Variants in SGCD observed in about 807,000 individuals in gnomAD.
The protein encoded by SGCD is sarcoglycan delta.
Under a neutral mutation model 36.6 loss-of-function variants are expected in SGCD, and 18 were observed. The observed-to-expected ratio is 0.49, with a 90% CI of 0.34 to 0.73. The LOEUF (loss-of-function observed/expected upper bound fraction) is 0.73. Ranked by LOEUF, SGCD falls within the 30% of genes least tolerant of loss-of-function variation. The pLI is 0.01. For missense variants in SGCD, 387 were observed against 346.7 expected, an observed-to-expected ratio of 1.12 and a Z score of -0.92; for synonymous variants, 133 against 130.6, an observed-to-expected ratio of 1.02 and a Z score of -0.12.
At chr5:156,278,670 T>A (rs1220097975) in intron 3 of SGCD, among the ~76,000 whole-genome samples, 4 of 152,196 alleles carry the variant, frequency 2.6e-5, no homozygotes, top group African/African-American at 9.6e-5. Context: ...AAACCTATCC[T>A]CTTGGAAATT....
Position 156,252,073 on chromosome 5 carries a change from C to CTT in SGCD, c.-43-77452_-43-77451dup, listed in dbSNP as rs112337099. On this transcript the variant is annotated intron_variant, in intron 3 of 9. Coordinates refer to the SGCD transcript ENST00000517913. ...CATTTTGATATTAGCATTTTTTTTT[C>CTT]TTTTTTTTTTGAGACGGAGTTTCGC... 2.0e-4 allele frequency among the ~76,000 whole-genome samples: 29 copies of CTT among 146,524 alleles called. No homozygotes were observed. The Middle Eastern group carries it at 0.01, about 52-fold the overall frequency.
the SGCD span, among the ~76,000 whole-genome samples, chr5:155,814,926 A>G: frequency 1.3e-5 from 2 of 152,240 alleles, no homozygotes; most frequent in African/African-American, 4.8e-5. Flanking sequence ...ATGTTTCTGT[A>G]GAATAAAAAA....
chr5:156,758,308 T>C (rs541992018), intron 8 of SGCD, among the ~76,000 whole-genome samples: 1 of 152,328 alleles, frequency 6.6e-6, no homozygotes, highest in East Asian at 1.9e-4. Context: ...AAATGTGATT[T>C]GTCTGTAAAC....
chr5:155,795,494 G>A, the SGCD span, among the ~76,000 whole-genome samples: 1 of 152,040 alleles, frequency 6.6e-6, no homozygotes, highest in Admixed American at 6.6e-5. Context: ...ATATTTTTGA[G>A]TAACCACTAA....
At chr5:156,656,943 A>G (rs1763707539) in intron 7 of SGCD, among the ~76,000 whole-genome samples, 1 of 152,078 alleles carries the variant, frequency 6.6e-6, no homozygotes, top group Non-Finnish European at 1.5e-5. Context: ...GTAAATCTGA[A>G]CTCCTTTGGG....
At chr5:156,017,126 A>G (rs1426815761) in intron 1 of SGCD, among the ~76,000 whole-genome samples, 2 of 152,214 alleles carry the variant, frequency 1.3e-5, no homozygotes, top group Non-Finnish European at 2.9e-5. Flanking sequence ...CTCTTAATGT[A>G]AGTGAAATTG....
At chr5:156,607,448 C>T (rs1331082318) in intron 6 of SGCD, among the ~76,000 whole-genome samples, 1 of 152,112 alleles carries the variant, frequency 6.6e-6, no homozygotes, top group Admixed American at 6.6e-5. Context: ...ATTGCTTTGC[C>T]AGTATTTTAT....
At chr5:155,829,137 A>G in the SGCD span, among the ~76,000 whole-genome samples, 1 of 152,160 alleles carries the variant, frequency 6.6e-6, no homozygotes, top group Non-Finnish European at 1.5e-5. Flanking sequence ...AAGAGGTGAA[A>G]AAAAGTCTCC....
chr5:156,392,077 A>G (rs539876787), intron 3 of SGCD, among the ~76,000 whole-genome samples: 1 of 152,354 alleles, frequency 6.6e-6, no homozygotes, highest in East Asian at 1.9e-4. Context: ...ACTAGGTCAC[A>G]CTGATAAAAT....
the SGCD span, among the ~76,000 whole-genome samples, chr5:155,815,005 A>T: frequency 6.6e-6 from 1 of 152,180 alleles, no homozygotes; most frequent in South Asian, 2.1e-4. Flanking sequence ...ATCTGGTTTA[A>T]TAACTTCAAT....
At chr5:156,169,577 A>G (rs1230814807) in intron 3 of SGCD, among the ~76,000 whole-genome samples, 1 of 152,190 alleles carries the variant, frequency 6.6e-6, no homozygotes, top group Non-Finnish European at 1.5e-5. Context: ...TAAATAAGGA[A>G]ATGACTATAT....
chr5:156,237,728 A>G (rs1048984532), intron 3 of SGCD, among the ~76,000 whole-genome samples: 2 of 152,200 alleles, frequency 1.3e-5, no homozygotes, highest in Non-Finnish European at 2.9e-5. Context: ...GAGCTGGTAA[A>G]GCAGGATCTG....
At chr5:156,746,963 T>C (rs1309337459) in intron 7 of SGCD, among the ~76,000 whole-genome samples, 2 of 152,088 alleles carry the variant, frequency 1.3e-5, no homozygotes, top group African/African-American at 4.8e-5. Flanking sequence ...ACTTGAAATA[T>C]ATATGAAAAA....
At chr5:156,257,013 C>G (rs1038755587) in intron 3 of SGCD, among the ~76,000 whole-genome samples, 1 of 151,914 alleles carries the variant, frequency 6.6e-6, no homozygotes, top group Non-Finnish European at 1.5e-5. Context: ...ACCCCCATCT[C>G]CACAAATAAT....
At chr5:155,940,271 G>A (rs1465074426) in intron 1 of SGCD, among the ~76,000 whole-genome samples, 1 of 152,014 alleles carries the variant, frequency 6.6e-6, no homozygotes. Flanking sequence ...GTATCCTATG[G>A]CTTCTTTTAG....
intron 3 of SGCD, among the ~76,000 whole-genome samples, chr5:156,496,144 T>A (rs1444048001): frequency 6.6e-6 from 1 of 152,146 alleles, no homozygotes; most frequent in Non-Finnish European, 1.5e-5. Context: ...CATCATAGAA[T>A]AGAATTCTTT....
chr5:156,342,798 C>G (rs183339741), intron 2 of SGCD, among the ~76,000 whole-genome samples: 12 of 152,328 alleles, frequency 7.9e-5, no homozygotes, highest in Admixed American at 2.0e-4. Context: ...TAGCTTAAAC[C>G]TTTACATACC....
the SGCD span, among the ~76,000 whole-genome samples, chr5:155,768,650 C>G: frequency 6.6e-6 from 1 of 152,096 alleles, no homozygotes; most frequent in African/African-American, 2.4e-5. Flanking sequence ...AGAACCCCTC[C>G]TTTTGAGTTC....
At chr5:156,502,178 CTG>C (rs541238172) in intron 3 of SGCD, among the ~76,000 whole-genome samples, 32 of 151,976 alleles carry the variant, frequency 2.1e-4, no homozygotes, top group Non-Finnish European at 3.1e-4. Context: ...TCCTGAATAG[CTG>C]GGGCTACAGG....
Sources: gnomAD v4.1 joint callset for allele counts (sites outside exome capture counted in the v4.1 genomes callset) on GRCh38, gnomAD v4.1.1 for gene constraint, MANE v1.5 for transcripts, NCBI Gene and HGNC (gene_info 2026-07-23, HGNC 2026-07-21) for gene names.